The following CDH4 variants were observed in gnomAD, a reference collection of about 807,000 sequenced individuals.
CDH4 encodes the protein cadherin-4.
Under a neutral mutation model 86.0 loss-of-function variants are expected in CDH4, and 33 were observed. The observed-to-expected ratio is 0.38, with a 90% CI of 0.29 to 0.51. The LOEUF (loss-of-function observed/expected upper bound fraction) is 0.51. CDH4 is among the 20% of genes least tolerant of loss of function. The pLI is 0.86. For missense variants in CDH4, 1,114 were observed against 1,307.4 expected, an observed-to-expected ratio of 0.85 and a Z score of 2.28; for synonymous variants, 555 against 549.4, an observed-to-expected ratio of 1.01 and a Z score of -0.14.
chr20:61,636,113 TC>T (rs1281532612), intron 2 of CDH4, among the ~76,000 whole-genome samples: 1 of 152,210 alleles, frequency 6.6e-6, no homozygotes, highest in Admixed American at 6.5e-5. Context: ...CCGAGTTTTT[TC>T]CTCATCTCAC....
At chr20:61,704,001 A>C (rs895235761) in intron 2 of CDH4, among the ~76,000 whole-genome samples, 9 of 152,046 alleles carry the variant, frequency 5.9e-5, no homozygotes, top group African/African-American at 2.2e-4. Context: ...GTGGCCGGGC[A>C]GGTGGCTGTG....
rs1983558479 is a variant in CDH4 at position 61,866,525 on chromosome 20, T to TC, written c.878-7203_878-7202insC. Among the ~76,000 whole-genome samples the TC allele has an allele frequency of 7.2e-5, 11 of 152,300 alleles. No individual in the cohort carries two copies. In the East Asian group the frequency reaches 1.5e-3, roughly 21 times the overall value. ...TAAAGTAGCTTTTGCACATTTGACATGTGGAAAATGTCTTCCTTTCATTTC... is the reference window on the plus strand; with the variant it reads ...TAAAGTAGCTTTTGCACATTTGACATCGTGGAAAATGTCTTCCTTTCATTTC... On this transcript the variant is annotated intron_variant, in intron 6 of 15. Transcript: ENST00000614565.
At chr20:61,520,477 G>A (rs1021161731) in intron 2 of CDH4, among the ~76,000 whole-genome samples, 1 of 152,194 alleles carries the variant, frequency 6.6e-6, no homozygotes, top group Non-Finnish European at 1.5e-5. Flanking sequence ...CTTCCTGGAG[G>A]GGTGGTGTGT....
At chr20:61,894,586 T>G (rs1985010867) in intron 7 of CDH4, among the ~76,000 whole-genome samples, 1 of 152,272 alleles carries the variant, frequency 6.6e-6, no homozygotes, top group African/African-American at 2.4e-5. Context: ...CCCAGTGCCC[T>G]CTGGGCTCCC....
intron 2 of CDH4, among the ~76,000 whole-genome samples, chr20:61,577,351 T>G (rs913148309): frequency 6.6e-5 from 10 of 151,964 alleles, no homozygotes; most frequent in Non-Finnish European, 1.3e-4. Flanking sequence ...GAAGGATGAG[T>G]GGATGTTTTG....
intron 4 of CDH4, among the ~76,000 whole-genome samples, chr20:61,822,229 G>C (rs1388182159): frequency 6.6e-6 from 1 of 152,162 alleles, no homozygotes; most frequent in Non-Finnish European, 1.5e-5. Context: ...TCGATGCCTA[G>C]AAAAATTGCT....
chr20:61,474,765 T>C (rs1460828175), intron 2 of CDH4, among the ~76,000 whole-genome samples: 1 of 152,166 alleles, frequency 6.6e-6, no homozygotes, highest in Non-Finnish European at 1.5e-5. Flanking sequence ...CCAAGGGCAT[T>C]TTTATATGTT....
intron 4 of CDH4, among the ~76,000 whole-genome samples, chr20:61,793,794 A>G (rs6142684): frequency 0.95 from 139,604 of 146,540 alleles, 66,554 homozygotes; most frequent in African/African-American, 0.98. Flanking sequence ...AGCCGAGATC[A>G]CGCCACTGCA....
intron 4 of CDH4, among the ~76,000 whole-genome samples, chr20:61,840,651 C>G (rs765515596): frequency 6.6e-6 from 1 of 152,236 alleles, no homozygotes; most frequent in Non-Finnish European, 1.5e-5. Flanking sequence ...CTGGAGGCGC[C>G]TGTCTGTGCT....
intron 2 of CDH4, among the ~76,000 whole-genome samples, chr20:61,543,981 G>A (rs1441080605): frequency 1.3e-5 from 2 of 152,190 alleles, no homozygotes; most frequent in Non-Finnish European, 2.9e-5. Flanking sequence ...AGAGCTAAGA[G>A]GGTGTGGTGG....
chr20:61,459,089 C>T (rs1483979205), intron 2 of CDH4, among the ~76,000 whole-genome samples: 1 of 151,988 alleles, frequency 6.6e-6, no homozygotes, highest in Admixed American at 6.6e-5. Context: ...GTTTGCAGCT[C>T]ACACTGTGCC....
In CDH4 at chr20:61,544,758, T is replaced by C. The variant is rs555420933; in HGVS notation, c.170-198805T>C. Among the ~76,000 whole-genome samples the C allele has an allele frequency of 6.6e-6, 1 of 152,214 alleles. No individual in the cohort carries two copies. The highest frequency in any genetic ancestry group is 2.4e-5 in the African/African-American group (1 of 41,540). Reference sequence around the variant, plus strand: ...TGTAAAACCACCTGAATGAATTGGCTTGGTCCATGGACTGGAAGCCTGACT... The same window carrying C: ...TGTAAAACCACCTGAATGAATTGGCCTGGTCCATGGACTGGAAGCCTGACT... On this transcript the variant is annotated intron_variant, in intron 2 of 15. Transcript: ENST00000614565. This position sits in a 1 kb window ranked among gnomAD's most constrained non-coding sequence, Gnocchi z 6.5.
chr20:61,640,167 C>T (rs1037098092), intron 2 of CDH4, among the ~76,000 whole-genome samples: 6 of 152,168 alleles, frequency 3.9e-5, no homozygotes, highest in Non-Finnish European at 5.9e-5. Flanking sequence ...GGAAGGCGTG[C>T]GCTCAAAGTC....
At chr20:61,784,675 C>T (rs868266057) in intron 4 of CDH4, among the ~76,000 whole-genome samples, 6 of 92,328 alleles carry the variant, frequency 6.5e-5, no homozygotes, top group African/African-American at 3.7e-4. Context: ...CTCAGATGTC[C>T]TGTGCCCCCA....
Position 61,356,342 on chromosome 20 carries a change from G to A in CDH4, c.169+101405G>A, listed in dbSNP as rs576282027. On this transcript the variant is annotated intron_variant, in intron 2 of 15. Coordinates refer to ENST00000614565, the MANE Select transcript of CDH4 (RefSeq NM_001794.5). ...GCCAAGCAGCAGGCCATTCCCCGGC[G>A]GAGAACTGCTGTTTCCCAGAGTGTC... 5.3e-5 allele frequency among the ~76,000 whole-genome samples: 8 copies of A among 152,282 alleles called. No homozygotes were observed. The East Asian group carries it at 9.7e-4, about 18-fold the overall frequency.
intron 2 of CDH4, among the ~76,000 whole-genome samples, chr20:61,635,857 T>C (rs1466059556): frequency 6.6e-6 from 1 of 152,068 alleles, no homozygotes; most frequent in African/African-American, 2.4e-5. Context: ...TTGGTCCTGC[T>C]AGACTCCAGA....
Position 61,852,829 on chromosome 20 carries a change from A to G in CDH4, c.808A>G (p.Met270Val), listed in dbSNP as rs1429345299. 6 of 1,614,110 alleles carry G rather than the reference A, an allele frequency of 3.7e-6. No homozygotes were observed. Among genetic ancestry groups the G allele is most frequent in the Admixed American group, 3.3e-5 (2 of 60,026 alleles). ...CGACCTGTACATCTACGTCATCGAC[A>G]TGAATGACAACCGCCCTGAGTTCAT... ...PIDLYIYVID[M>V]NDNRPEFINQ... Residue 270 changes from methionine (M) to valine (V), a missense_variant, in exon 6 of 16, where the codon ATG becomes GTG. By Grantham distance (21) the Met-to-Val change is conservative. Around this residue, in one of 3 missense-constraint regions of CDH4, gnomAD observed 705 missense variants for 914.1 expected, o/e 0.77. Transcript: ENST00000614565.
intron 4 of CDH4, among the ~76,000 whole-genome samples, chr20:61,803,095 C>A (rs562964583): frequency 1.3e-5 from 2 of 152,362 alleles, no homozygotes; most frequent in East Asian, 1.9e-4. Flanking sequence ...GCCTGTAGAG[C>A]GGCCAGCCCT....
chr20:61,727,017 C>T (rs1035886628), intron 2 of CDH4, among the ~76,000 whole-genome samples: 3 of 151,936 alleles, frequency 2.0e-5, no homozygotes, highest in African/African-American at 7.3e-5. Flanking sequence ...GAGCCATCAC[C>T]ATTGGTGCTG....
Sources: allele counts gnomAD v4.1 joint callset (sites outside exome capture counted in the v4.1 genomes callset), GRCh38; gene constraint gnomAD v4.1.1; regional missense constraint gnomAD v4.1.1; non-coding constraint Gnocchi (gnomAD v3.1); transcripts MANE v1.5; gene names NCBI Gene and HGNC (gene_info 2026-07-23, HGNC 2026-07-21).